ATXN7: variants seen among roughly 807,000 people sequenced by gnomAD.
ATXN7 encodes ataxin-7.
A neutral mutation model predicts 70.5 loss-of-function variants in ATXN7; 12 were observed. The ratio of observed to expected loss-of-function variants is 0.17; its 90% CI spans 0.11 to 0.28. The LOEUF is 0.28. Ranked by LOEUF, ATXN7 falls within the 10% of genes least tolerant of loss-of-function variation. The pLI is 1.00. For missense variants in ATXN7, 1,256 were observed against 1,131.7 expected, an observed-to-expected ratio of 1.11 and a Z score of -1.58; for synonymous variants, 498 against 448.7, an observed-to-expected ratio of 1.11 and a Z score of -1.39.
Position 63,912,714 on chromosome 3 carries a change from A to AGCAGCAGCAGCAGCCGCC in ATXN7, c.118_119insAGCAGCAGCAGCCGCCGC (p.Gln39_Pro40insGlnGlnGlnGlnProPro), listed in dbSNP as rs770364745. The AGCAGCAGCAGCAGCCGCC allele has an allele frequency of 2.1e-5, 25 of 1,212,658 alleles. No individual in the cohort carries two copies. In the African/African-American group the frequency reaches 3.3e-4, roughly 16 times the overall value. The allele number at this position is 1,212,658 out of a possible 1,614,324, so 75.1% of individuals were successfully genotyped here. On this transcript the variant is annotated inframe_insertion, in exon 3 of 13. Coordinates refer to ENST00000674280, the MANE Select transcript of ATXN7 (RefSeq NM_001377405.1). ...CAGCAGCAGCAGCAGCAGCAGCAGCAGCCGCCGCCTCCGCAGCCCCAGCGG... is the reference window on the plus strand; with the variant it reads ...CAGCAGCAGCAGCAGCAGCAGCAGCAGCAGCAGCAGCAGCCGCCGCCGCCGCCTCCGCAGCCCCAGCGG...
chr3:63,942,611 C>T (rs1195831051), intron 4 of ATXN7, among the ~76,000 whole-genome samples: 1 of 152,032 alleles, frequency 6.6e-6, no homozygotes. Context: ...GAATACCTGC[C>T]ACAATAACTG....
intron 5 of ATXN7, among the ~76,000 whole-genome samples, chr3:63,974,568 T>G (rs2075362348): frequency 6.6e-6 from 1 of 152,258 alleles, no homozygotes; most frequent in Non-Finnish European, 1.5e-5. Context: ...ACAACTGACT[T>G]GAGTCCTTTA....
At chr3:63,918,093 C>T (rs1158892668) in intron 4 of ATXN7, among the ~76,000 whole-genome samples, 6 of 152,150 alleles carry the variant, frequency 3.9e-5, no homozygotes, top group African/African-American at 1.4e-4. Flanking sequence ...AGGTTATTTC[C>T]TTCTCATAAT....
intron 1 of ATXN7, among the ~76,000 whole-genome samples, chr3:63,871,559 A>C (rs1702591507): frequency 6.6e-6 from 1 of 152,210 alleles, no homozygotes; most frequent in Admixed American, 6.5e-5. Flanking sequence ...AAACATAGAA[A>C]GTGATCTAAA....
chr3:63,919,007 C>T lies in ATXN7; in HGVS notation c.394+5782C>T, dbSNP rs557824541. ...TCCTTCCTTGTAAGCTCTTCACTAA[C>T]GCGTAGGTGCAGGAACCCCCAGAGA... On this transcript the variant is annotated intron_variant, in intron 4 of 12. Coordinates refer to ENST00000674280, the MANE Select transcript of ATXN7 (RefSeq NM_001377405.1). Among the ~76,000 whole-genome samples, 9 of 150,418 alleles carry T rather than the reference C, an allele frequency of 6.0e-5. No individual in the cohort carries two copies. In the East Asian group the frequency reaches 7.9e-4, roughly 13 times the overall value.
intron 5 of ATXN7, among the ~76,000 whole-genome samples, chr3:63,966,051 G>A (rs1255916003): frequency 2.0e-5 from 3 of 152,152 alleles, no homozygotes; most frequent in African/African-American, 7.2e-5. Flanking sequence ...AGAACGACTT[G>A]ATTCTTAGAA....
Position 63,999,583 on chromosome 3 carries a change from G to A in ATXN7, c.*116G>A, listed in dbSNP as rs1420776107. 1.9e-6 allele frequency: 3 copies of A among 1,550,608 alleles called. No individual in the cohort carries two copies. The highest frequency in any genetic ancestry group is 1.8e-6 in the Non-Finnish European group (2 of 1,141,324). ...GAGTCTGTTTTCCCAACCTCCTGTG[G>A]GCCTCAAGGGTAGAAACCTGCCGGG... On this transcript the variant is annotated 3_prime_UTR_variant, in exon 13 of 13. Coordinates refer to ENST00000674280, the MANE Select transcript of ATXN7 (RefSeq NM_001377405.1).
chr3:63,942,966 GA>G (rs562240981), intron 4 of ATXN7, among the ~76,000 whole-genome samples: 73 of 152,236 alleles, frequency 4.8e-4, no homozygotes, highest in African/African-American at 1.6e-3. Context: ...TTTTTTTGTT[GA>G]AAACCTGTGT....
chr3:63,999,447 A>G lies in ATXN7; in HGVS notation c.2662-3A>G. On this transcript the variant is annotated splice_region_variant and splice_polypyrimidine_tract_variant and intron_variant, in intron 12 of 12. Transcript: ENST00000674280. Reference sequence around the variant, plus strand: ...TATTTCCCCACCCCCTCTTTTTTGAAAGCCAAAGGCACGTCCCTGACAGCT... The same window carrying G: ...TATTTCCCCACCCCCTCTTTTTTGAGAGCCAAAGGCACGTCCCTGACAGCT... 1.2e-6 allele frequency: 2 copies of G among 1,613,712 alleles called. No individual in the cohort carries two copies. The highest frequency in any genetic ancestry group is 1.1e-5 in the South Asian group (1 of 91,030).
At chr3:63,913,268 A>C in intron 4 of ATXN7, 43 bp downstream of exon 4, 1 of 1,576,810 alleles carries the variant, frequency 6.3e-7, no homozygotes, top group Non-Finnish European at 8.7e-7. Flanking sequence ...AACCCCTGGG[A>C]AGTTTCATTG....
intron 4 of ATXN7, among the ~76,000 whole-genome samples, chr3:63,944,507 G>A (rs1450241109): frequency 6.6e-6 from 1 of 151,944 alleles, no homozygotes; most frequent in East Asian, 1.9e-4. Context: ...GATGATACAT[G>A]TCCTGGGCAG....
At chr3:63,865,925 A>G (rs895675944) in intron 1 of ATXN7, among the ~76,000 whole-genome samples, 4 of 147,038 alleles carry the variant, frequency 2.7e-5, no homozygotes, top group Admixed American at 6.8e-5. Flanking sequence ...AAAAAAAAAA[A>G]GAAAGTAATT....
At chr3:63,998,699 A>T (rs2075799356) in intron 12 of ATXN7, 1 of 983,792 alleles carries the variant, frequency 1.0e-6, no homozygotes, top group East Asian at 1.1e-4. Context: ...CCCAAGAAGT[A>T]TTGCACATTT....
intron 2 of ATXN7, chr3:63,905,200 T>TTTAA (rs1703792997): frequency 6.6e-6 from 1 of 152,122 alleles, no homozygotes; most frequent in Non-Finnish European, 1.5e-5. Flanking sequence ...TTTCATTCTT[T>TTTAA]TTTAATTTAA....
intron 5 of ATXN7, among the ~76,000 whole-genome samples, chr3:63,967,219 T>TG (rs2075240222): frequency 6.6e-6 from 1 of 152,180 alleles, no homozygotes; most frequent in Non-Finnish European, 1.5e-5. Context: ...TGAGAGAAAT[T>TG]CTTGGATTTA....
At chr3:63,884,815 A>C (rs62251627) in intron 1 of ATXN7, among the ~76,000 whole-genome samples, 1 of 150,424 alleles carries the variant, frequency 6.6e-6, no homozygotes, top group South Asian at 2.1e-4. Flanking sequence ...ATGCCCAGCT[A>C]ATTTTTTTTT....
At chr3:63,896,168 G>A (rs1703440705) in intron 1 of ATXN7, among the ~76,000 whole-genome samples, 2 of 151,752 alleles carry the variant, frequency 1.3e-5, no homozygotes, top group South Asian at 2.1e-4. Flanking sequence ...GCTCCTGTAG[G>A]ATAAAGATAT....
chr3:63,955,188 C>T (rs1376213537), intron 5 of ATXN7, among the ~76,000 whole-genome samples: 1 of 152,058 alleles, frequency 6.6e-6, no homozygotes, highest in Non-Finnish European at 1.5e-5. Context: ...TGTGGCTTGG[C>T]AGGAGATGTG....
chr3:63,866,196 AT>A (rs1305769922), intron 1 of ATXN7, among the ~76,000 whole-genome samples: 2 of 152,166 alleles, frequency 1.3e-5, no homozygotes, highest in African/African-American at 2.4e-5. Context: ...ACCAAGAGGA[AT>A]TTGAAAGACT....
Sources: gnomAD v4.1 joint callset for allele counts (sites outside exome capture counted in the v4.1 genomes callset) on GRCh38, gnomAD v4.1.1 for gene constraint, MANE v1.5 for transcripts, NCBI Gene and HGNC (gene_info 2026-07-23, HGNC 2026-07-21) for gene names.